TMCO5A: variants seen among roughly 807,000 people sequenced by gnomAD.
TMCO5A encodes transmembrane and coiled-coil domain-containing protein 5A.
Under a neutral mutation model 42.3 loss-of-function variants are expected in TMCO5A, and 34 were observed. The observed-to-expected ratio is 0.80, with a 90% confidence interval of 0.61 to 1.07. The LOEUF (loss-of-function observed/expected upper bound fraction) is 1.07, where lower values mean the gene tolerates loss of function less well. Ranked by LOEUF, TMCO5A falls within the 50% of genes least tolerant of loss-of-function variation. The probability of loss-of-function intolerance (pLI) is 0.00; values close to 1 mark genes in which losing one functional copy is unlikely to be tolerated. For missense variants in TMCO5A, 357 were observed against 327.9 expected (o/e 1.09, Z -0.69); for synonymous variants, 131 against 115.6 (o/e 1.13, Z -0.86).
the TMCO5A span, among the ~76,000 whole-genome samples, chr15:37,979,360 C>T: frequency 1.1e-4 from 16 of 151,880 alleles, 1 homozygote; most frequent in East Asian, 2.7e-3. Flanking sequence ...GAGTTCTGTC[C>T]GAGGGCAGTG....
At chr15:37,945,883 C>T (rs566403581) in intron 10 of TMCO5A, among the ~76,000 whole-genome samples, 1 of 152,188 alleles carries the variant, frequency 6.6e-6, no homozygotes, top group South Asian at 2.1e-4. Context: ...AAGTATATCC[C>T]ACTTGTCTAA....
At chr15:37,950,141 T>C (rs1406043897) in intron 11 of TMCO5A, among the ~76,000 whole-genome samples, 1 of 152,234 alleles carries the variant, frequency 6.6e-6, no homozygotes, top group East Asian at 1.9e-4. Context: ...ACTTTCACCA[T>C]ATTCCATTCT....
chr15:37,967,927 C>T (rs1026675550), downstream of TMCO5A, among the ~76,000 whole-genome samples: 8 of 152,152 alleles, frequency 5.3e-5, no homozygotes, highest in African/African-American at 1.7e-4. Context: ...TGATCCTACA[C>T]AACGTGGTCA....
chr15:38,005,665 G>A, the TMCO5A span, among the ~76,000 whole-genome samples: 1 of 152,186 alleles, frequency 6.6e-6, no homozygotes, highest in Admixed American at 6.5e-5. Flanking sequence ...ACTGGGCTAA[G>A]TAGAAAGCAC....
chr15:37,937,945 C>T (rs1889583181), intron 5 of TMCO5A, among the ~76,000 whole-genome samples: 1 of 151,990 alleles, frequency 6.6e-6, no homozygotes, highest in Admixed American at 6.6e-5. Flanking sequence ...GGAAAGTACT[C>T]CTGCTTTGAG....
Position 37,941,746 on chromosome 15 carries a change from A to G in TMCO5A, c.504+16A>G. The G allele has an allele frequency of 6.2e-7, 1 of 1,602,218 alleles. No individual in the cohort carries two copies. The highest frequency in any genetic ancestry group is 8.5e-7 in the Non-Finnish European group (1 of 1,169,768). On this transcript the variant is annotated intron_variant, in intron 8 of 11. Coordinates refer to ENST00000319669, the MANE Select transcript of TMCO5A (RefSeq NM_152453.4). ...CTACATAAAGGTAGAGCTTCTTGGTAAAGGGATAGCAAAGGGTTTATTAAG... is the reference window on the plus strand; with the variant it reads ...CTACATAAAGGTAGAGCTTCTTGGTGAAGGGATAGCAAAGGGTTTATTAAG...
At chr15:37,981,281 A>G in the TMCO5A span, among the ~76,000 whole-genome samples, 1 of 151,614 alleles carries the variant, frequency 6.6e-6, no homozygotes, top group African/African-American at 2.4e-5. Flanking sequence ...TAACAGTATT[A>G]CCGTAGAAGG....
At chr15:38,027,501 G>A in the TMCO5A span, among the ~76,000 whole-genome samples, 5 of 152,150 alleles carry the variant, frequency 3.3e-5, no homozygotes, top group African/African-American at 9.7e-5. Flanking sequence ...GCTCATAGGT[G>A]GAAGAGACAT....
chr15:37,945,473 C>T (rs74839750), intron 10 of TMCO5A, among the ~76,000 whole-genome samples: 6,242 of 152,190 alleles, frequency 0.041, 462 homozygotes, highest in African/African-American at 0.14. Context: ...AATGGTTGAA[C>T]GAATTTATAC....
the TMCO5A span, among the ~76,000 whole-genome samples, chr15:38,012,660 T>A: frequency 6.6e-6 from 1 of 152,128 alleles, no homozygotes; most frequent in Non-Finnish European, 1.5e-5. Context: ...AAATCCATGC[T>A]AGAACAAAAA....
At chr15:37,975,622 T>G in the TMCO5A span, among the ~76,000 whole-genome samples, 44 of 151,210 alleles carry the variant, frequency 2.9e-4, no homozygotes, top group Non-Finnish European at 5.9e-4. Context: ...TTTAAGTCTA[T>G]GGGTGTCATT....
chr15:37,966,937 A>G, exon 12 of TMCO5A: 1 of 440,790 alleles, frequency 2.3e-6, no homozygotes, highest in South Asian at 4.4e-5. Context: ...TTCTCCCACT[A>G]AAAGGGGCTC....
At position 37,951,092 on chromosome 15, in the gene TMCO5A, T is replaced by C. The variant is rs1471075208; in HGVS notation, c.725T>C (p.Met242Thr). 2 of 1,613,426 alleles carry C rather than the reference T, an allele frequency of 1.2e-6. No individual in the cohort carries two copies. Among genetic ancestry groups the C allele is most frequent in the Non-Finnish European group, 1.7e-6 (2 of 1,179,868 alleles). Reference protein sequence around the residue: ...TLFFIRLLSYMFFHVRFINPD... With the variant: ...TLFFIRLLSYTFFHVRFINPD... ...TTTTTCATCAGACTGCTGAGCTACA[T>C]GTTTTTTCATGTAAGATTCATAAAT... is the stretch of plus-strand genomic sequence containing the variant. The change falls in exon 12 of 12, where the codon ATG (methionine) becomes ACG (threonine). Residue 242 changes from methionine (M) to threonine (T), a missense_variant. Transcript: ENST00000319669.
At chr15:37,940,627 C>T (rs377052946) in intron 6 of TMCO5A, among the ~76,000 whole-genome samples, 1 of 152,102 alleles carries the variant, frequency 6.6e-6, no homozygotes, top group Non-Finnish European at 1.5e-5. Flanking sequence ...GCCAGCTCTG[C>T]AAGGGTGGAA....
At chr15:38,039,623 T>C in the TMCO5A span, among the ~76,000 whole-genome samples, 1 of 152,356 alleles carries the variant, frequency 6.6e-6, no homozygotes, top group African/African-American at 2.4e-5. Context: ...GATTACTCTA[T>C]AGCAACCAAG....
chr15:37,961,739 G>C (rs538307616), intron 11 of TMCO5A, among the ~76,000 whole-genome samples: 1 of 151,968 alleles, frequency 6.6e-6, no homozygotes, highest in African/African-American at 2.4e-5. Context: ...TTCTTGTAGA[G>C]GTCTTTCACC....
At chr15:37,979,538 G>A in the TMCO5A span, among the ~76,000 whole-genome samples, 1 of 152,208 alleles carries the variant, frequency 6.6e-6, no homozygotes, top group South Asian at 2.1e-4. Context: ...TGTGGGTTTA[G>A]AACCTGCCTG....
the TMCO5A span, among the ~76,000 whole-genome samples, chr15:37,988,958 C>G: frequency 3.3e-5 from 5 of 151,910 alleles, no homozygotes; most frequent in Non-Finnish European, 7.4e-5. Flanking sequence ...TCCAGTGATG[C>G]CATCAGGCCC....
chr15:37,994,911 C>G, the TMCO5A span, among the ~76,000 whole-genome samples: 4 of 152,186 alleles, frequency 2.6e-5, no homozygotes, highest in Admixed American at 2.6e-4. Flanking sequence ...CAAACGTCAG[C>G]ACCTCTTGAT....
Sources: allele counts gnomAD v4.1 joint callset (sites outside exome capture counted in the v4.1 genomes callset), GRCh38; gene constraint gnomAD v4.1.1; transcripts MANE v1.5; gene names NCBI Gene and HGNC (gene_info 2026-07-23, HGNC 2026-07-21).